The following PDLIM7 variants were observed in gnomAD, a reference collection of about 807,000 sequenced individuals.
PDLIM7 encodes PDZ and LIM domain protein 7.
Under a neutral mutation model 53.9 loss-of-function variants are expected in PDLIM7, and 37 were observed. That is an observed-to-expected ratio of 0.69 (90% CI 0.53 to 0.90). PDLIM7 has a LOEUF of 0.90. Ranked by LOEUF, PDLIM7 falls within the 40% of genes least tolerant of loss-of-function variation. The pLI, the probability that PDLIM7 is intolerant of heterozygous loss-of-function variation, is 0.00. For missense variants in PDLIM7, 617 were observed against 638.5 expected, an observed-to-expected ratio of 0.97 and a Z score of 0.36; for synonymous variants, 300 against 261.3, an observed-to-expected ratio of 1.15 and a Z score of -1.43.
intron 10 of PDLIM7, among the ~76,000 whole-genome samples, chr5:177,486,926 T>C (rs1288867834): frequency 1.5e-4 from 19 of 126,360 alleles, no homozygotes; most frequent in African/African-American, 3.0e-4. Flanking sequence ...CCACCGTGCC[T>C]GGCCCTTTTT....
At chr5:177,490,602 CAGAG>C in intron 7 of PDLIM7, 2 of 1,537,802 alleles carry the variant, frequency 1.3e-6, no homozygotes, top group Admixed American at 2.0e-5. Flanking sequence ...CCCTGAGGGG[CAGAG>C]AGAGAGGGAG....
At position 177,484,394 on chromosome 5, in the gene PDLIM7, G is replaced by A. The variant is rs1758336026; in HGVS notation, c.1051-204C>T. The stretch of plus-strand genomic sequence containing the variant: ...TGCGCCTTCAGACTTGCCATGTCCA[G>A]CACTCAGTTCCTGATTCCCTCACCC... On this transcript the variant is annotated intron_variant, in intron 10 of 12. Coordinates refer to ENST00000355841, the MANE Select transcript of PDLIM7 (RefSeq NM_005451.5). The A allele has an allele frequency of 1.5e-5, 9 of 589,838 alleles. No homozygotes were observed. In the Admixed American group the frequency reaches 2.5e-4, roughly 16 times the overall value. 36.5% of individuals were successfully genotyped at this position (589,838 alleles called of 1,614,324 possible). A position where few individuals can be genotyped will look rare whatever the true frequency, so the allele number is the denominator to read the frequency against.
chr5:177,485,992 T>A (rs943834586), intron 10 of PDLIM7, among the ~76,000 whole-genome samples: 1 of 151,940 alleles, frequency 6.6e-6, no homozygotes, highest in Non-Finnish European at 1.5e-5. Context: ...TCATTATACA[T>A]AAAGAAATAA....
chr5:177,490,968 TG>T, intron 6 of PDLIM7, 41 bp downstream of exon 6: 3 of 1,613,840 alleles, frequency 1.9e-6, no homozygotes, highest in Non-Finnish European at 2.5e-6. Flanking sequence ...ACGCCTGGGC[TG>T]GGGGCGAGGA....
At chr5:177,497,345 G>A (rs2127416432) in intron 1 of PDLIM7, among the ~76,000 whole-genome samples, 183 bp downstream of exon 1, 1 of 152,172 alleles carries the variant, frequency 6.6e-6, no homozygotes, top group East Asian at 2.0e-4. Context: ...CGGCGCAGGC[G>A]CCAATCGGCC....
In PDLIM7 at chr5:177,491,286, G is replaced by A. The variant is rs989819008; in HGVS notation, c.399-140C>T. On this transcript the variant is annotated intron_variant, in intron 5 of 12. Transcript: ENST00000355841. ...GGTGAGGCCAGGAGCCCTGCTGGGC[G>A]GGTAGGTGAGAGGACAGGAGGGCGA... The A allele has an allele frequency of 3.0e-5, 43 of 1,433,298 alleles. No individual in the cohort carries two copies. In the South Asian group the frequency reaches 4.1e-4, roughly 14 times the overall value. 88.8% of individuals were successfully genotyped at this position (1,433,298 alleles called of 1,614,324 possible).
intron 10 of PDLIM7, chr5:177,487,769 C>T (rs1758537937): frequency 3.5e-6 from 1 of 282,396 alleles, no homozygotes; most frequent in Non-Finnish European, 6.6e-6. Flanking sequence ...TCAAGTTGGC[C>T]GTTCTGTCAT....
At chr5:177,492,362 G>GC in intron 4 of PDLIM7, 43 bp downstream of exon 4, 1 of 1,608,462 alleles carries the variant, frequency 6.2e-7, no homozygotes, top group East Asian at 2.2e-5. Context: ...GGCCGTCCAA[G>GC]CCCACACCGC....
intron 10 of PDLIM7, 29 bp from the exon 11 acceptor site, chr5:177,484,219 G>C: frequency 6.2e-7 from 1 of 1,609,560 alleles, no homozygotes; most frequent in Non-Finnish European, 8.5e-7. Context: ...CACTCGGCAG[G>C]CTCAGGCCCC....
intron 12 of PDLIM7, 67 bp downstream of exon 12, chr5:177,483,800 G>C: frequency 6.3e-7 from 1 of 1,581,614 alleles, no homozygotes; most frequent in South Asian, 1.1e-5. Context: ...AACTTCTCCT[G>C]CATCTCCTGG....
At chr5:177,490,026 C>A (rs1428461101) in intron 7 of PDLIM7, 194 bp from the exon 8 acceptor site, 1 of 1,534,134 alleles carries the variant, frequency 6.5e-7, no homozygotes, top group Admixed American at 2.0e-5. Flanking sequence ...GGTGTGCGGT[C>A]TCTAGCTGGG....
At chr5:177,492,877 A>T (rs1322940589) in intron 2 of PDLIM7, 200 bp from the exon 3 acceptor site, 1 of 588,286 alleles carries the variant, frequency 1.7e-6, no homozygotes, top group Non-Finnish European at 3.0e-6. Context: ...ACAATTTCCC[A>T]GTCACACTGC....
chr5:177,490,344 G>C (rs1459313348), intron 7 of PDLIM7: 1 of 1,452,590 alleles, frequency 6.9e-7, no homozygotes, highest in African/African-American at 1.4e-5. Flanking sequence ...ATGAACCCAG[G>C]TGGGCGGCCA....
intron 5 of PDLIM7, 72 bp downstream of exon 5, chr5:177,491,735 A>G (rs1402730984): frequency 1.3e-5 from 10 of 763,080 alleles, no homozygotes; most frequent in Admixed American, 4.1e-5. Flanking sequence ...CAGACTGAGC[A>G]GCAGCGGGCA....
intron 4 of PDLIM7, 24 bp from the exon 5 acceptor site, chr5:177,491,949 G>T: frequency 2.2e-6 from 2 of 891,644 alleles, no homozygotes; most frequent in South Asian, 3.4e-5. Context: ...CAGCCGGGCA[G>T]GGCGGGCGGG....
chr5:177,497,219 A>T (rs994985108), intron 1 of PDLIM7, among the ~76,000 whole-genome samples: 9 of 151,926 alleles, frequency 5.9e-5, no homozygotes, highest in Non-Finnish European at 1.3e-4. Flanking sequence ...TCCTTCCCCG[A>T]GCCCAGTGGG....
At chr5:177,490,607 A>G (rs1406579816) in intron 7 of PDLIM7, 1 of 1,462,984 alleles carries the variant, frequency 6.8e-7, no homozygotes, top group Non-Finnish European at 9.2e-7. Flanking sequence ...AGGGGCAGAG[A>G]GAGAGGGAGG....
chr5:177,497,125 TGAA>T (rs1581768098), intron 1 of PDLIM7, among the ~76,000 whole-genome samples: 5 of 150,224 alleles, frequency 3.3e-5, no homozygotes, highest in Admixed American at 1.3e-4. Flanking sequence ...CCCTGGGTGC[TGAA>T]GAAGGGGAAG....
At chr5:177,493,222 A>G (rs1209098659) in intron 2 of PDLIM7, among the ~76,000 whole-genome samples, 2 of 152,004 alleles carry the variant, frequency 1.3e-5, no homozygotes, top group Non-Finnish European at 2.9e-5. Flanking sequence ...GTCTGCTGGG[A>G]CCCTTTGAGA....
Sources: allele counts gnomAD v4.1 joint callset (sites outside exome capture counted in the v4.1 genomes callset), GRCh38; gene constraint gnomAD v4.1.1; transcripts MANE v1.5; gene names NCBI Gene and HGNC (gene_info 2026-07-23, HGNC 2026-07-21).